Variants in WASF2 observed in about 807,000 individuals in gnomAD.
The protein encoded by WASF2 is actin-binding protein WASF2.
WASF2 carries 14 observed loss-of-function variants against 45.0 expected under a neutral mutation model. That is an observed-to-expected ratio of 0.31 (90% CI 0.21 to 0.49). The LOEUF (loss-of-function observed/expected upper bound fraction) is 0.49. WASF2 is among the 20% of genes least tolerant of loss of function. WASF2 has a pLI of 0.99. For missense variants in WASF2, 439 were observed against 636.1 expected, an observed-to-expected ratio of 0.69 and a Z score of 3.33; for synonymous variants, 200 against 236.3, an observed-to-expected ratio of 0.85 and a Z score of 1.41.
chr1:27,487,404 T>C (rs1012492129), intron 1 of WASF2, among the ~76,000 whole-genome samples: 1 of 132,426 alleles, frequency 7.6e-6, no homozygotes, highest in African/African-American at 2.8e-5. Flanking sequence ...CGGCCTATAA[T>C]ATATATTTTA....
At chr1:27,479,114 G>T (rs375267791) in intron 1 of WASF2, among the ~76,000 whole-genome samples, 1 of 151,758 alleles carries the variant, frequency 6.6e-6, no homozygotes, top group Admixed American at 6.6e-5. Context: ...GTGAAACCCC[G>T]TCTCTACTAA....
intron 1 of WASF2, among the ~76,000 whole-genome samples, chr1:27,489,543 A>G (rs2018000280): frequency 6.6e-6 from 1 of 151,982 alleles, no homozygotes; most frequent in Non-Finnish European, 1.5e-5. Flanking sequence ...TTCATGGTCC[A>G]GAGATGGAAA....
At chr1:27,455,310 G>A (rs1376965780) in intron 1 of WASF2, among the ~76,000 whole-genome samples, 1 of 152,142 alleles carries the variant, frequency 6.6e-6, no homozygotes, top group East Asian at 1.9e-4. Flanking sequence ...AATGGCTAGA[G>A]TATGTGCCAG....
At chr1:27,412,777 G>C in intron 6 of WASF2, 50 bp from the exon 7 acceptor site, 1 of 1,606,386 alleles carries the variant, frequency 6.2e-7, no homozygotes, top group Middle Eastern at 1.7e-4. Flanking sequence ...GCCTGAGTGG[G>C]TTTTTTCTTC....
At chr1:27,488,469 G>A (rs903477705) in intron 1 of WASF2, among the ~76,000 whole-genome samples, 22 of 152,296 alleles carry the variant, frequency 1.4e-4, no homozygotes, top group African/African-American at 5.1e-4. Context: ...TCTGATGGAG[G>A]AGAAGAAGCG....
At chr1:27,484,434 T>A (rs148205064) in intron 1 of WASF2, among the ~76,000 whole-genome samples, 28 of 152,280 alleles carry the variant, frequency 1.8e-4, no homozygotes, top group Non-Finnish European at 3.5e-4. Context: ...CACCAAGATG[T>A]GCAAATTGTG....
chr1:27,443,596 A>G (rs1469568315), intron 1 of WASF2, among the ~76,000 whole-genome samples: 1 of 152,046 alleles, frequency 6.6e-6, no homozygotes, highest in Non-Finnish European at 1.5e-5. Flanking sequence ...CCGGGCAACA[A>G]GAGCAAAACT....
In WASF2 at chr1:27,405,530, T is replaced by G. The variant is rs2016656947; in HGVS notation, c.*2659A>C. 6.6e-6 allele frequency: 1 copy of G among 150,464 alleles called. No individual in the cohort carries two copies. Among genetic ancestry groups the G allele is most frequent in the African/African-American group, 2.5e-5 (1 of 40,784 alleles). 9.3% of individuals were successfully genotyped at this position (150,464 alleles called of 1,614,324 possible). A position where few individuals can be genotyped will look rare whatever the true frequency, so the allele number is the denominator to read the frequency against. ...ACTAAACTTTGCATTCTACATTACGTGAGTCCAAAAACAGGATTACCTGCA... is the reference window on the plus strand; with the variant it reads ...ACTAAACTTTGCATTCTACATTACGGGAGTCCAAAAACAGGATTACCTGCA... On this transcript the variant is annotated 3_prime_UTR_variant, in exon 9 of 9. Transcript: ENST00000618852.
intron 1 of WASF2, among the ~76,000 whole-genome samples, chr1:27,440,057 A>C (rs952653225): frequency 1.3e-5 from 2 of 152,188 alleles, no homozygotes; most frequent in African/African-American, 2.4e-5. Flanking sequence ...ACTGGATAGA[A>C]TTTGGATGTA....
At chr1:27,420,113 C>T (rs2148105961) in intron 2 of WASF2, among the ~76,000 whole-genome samples, 1 of 152,228 alleles carries the variant, frequency 6.6e-6, no homozygotes, top group African/African-American at 2.4e-5. Context: ...CCAGGTTGCC[C>T]AGGCTGGTCT....
chr1:27,478,945 G>A (rs114197843), intron 1 of WASF2, among the ~76,000 whole-genome samples: 6 of 151,842 alleles, frequency 4.0e-5, no homozygotes, highest in Admixed American at 2.0e-4. Context: ...GTCAAAACTC[G>A]TCTAATTATA....
At chr1:27,434,404 G>T (rs1182920970) in intron 1 of WASF2, among the ~76,000 whole-genome samples, 1 of 152,186 alleles carries the variant, frequency 6.6e-6, no homozygotes, top group Non-Finnish European at 1.5e-5. Flanking sequence ...AAAATTTCTA[G>T]ATGTGCTTCT....
chr1:27,445,321 C>A (rs1476374945), intron 1 of WASF2, among the ~76,000 whole-genome samples: 2 of 152,118 alleles, frequency 1.3e-5, no homozygotes, highest in African/African-American at 4.8e-5. Context: ...TTATGAAAGT[C>A]ACACAGACAG....
At chr1:27,442,914 C>T (rs2148120341) in intron 1 of WASF2, among the ~76,000 whole-genome samples, 1 of 149,394 alleles carries the variant, frequency 6.7e-6, no homozygotes, top group Non-Finnish European at 1.5e-5. Context: ...TCGCTTGAAC[C>T]TGGGAGGCAG....
At chr1:27,482,440 G>A (rs954969786) in intron 1 of WASF2, among the ~76,000 whole-genome samples, 4 of 152,168 alleles carry the variant, frequency 2.6e-5, no homozygotes. Context: ...CAAGAATCCT[G>A]ACAAGTTCTG....
At chr1:27,409,567 C>T in intron 8 of WASF2, 125 bp downstream of exon 8, 2 of 1,311,162 alleles carry the variant, frequency 1.5e-6, no homozygotes, top group Non-Finnish European at 9.8e-7. Flanking sequence ...GTCCCAATCT[C>T]TCCCCACCCA....
At chr1:27,426,029 A>C (rs1249434388) in intron 2 of WASF2, among the ~76,000 whole-genome samples, 1 of 151,924 alleles carries the variant, frequency 6.6e-6, no homozygotes, top group Non-Finnish European at 1.5e-5. Flanking sequence ...AAACACAAAA[A>C]TTAAAAAAAA....
At chr1:27,461,024 T>C (rs558197948) in intron 1 of WASF2, among the ~76,000 whole-genome samples, 1 of 152,172 alleles carries the variant, frequency 6.6e-6, no homozygotes, top group East Asian at 1.9e-4. Flanking sequence ...TGGGCGCCTG[T>C]AGTCCCAACT....
At chr1:27,421,663 A>C (rs2016910236) in intron 2 of WASF2, among the ~76,000 whole-genome samples, 1 of 152,202 alleles carries the variant, frequency 6.6e-6, no homozygotes, top group Non-Finnish European at 1.5e-5. Flanking sequence ...TAATAATACA[A>C]AAATGAGATG....
Sources: gnomAD v4.1 joint callset for allele counts (sites outside exome capture counted in the v4.1 genomes callset) on GRCh38, gnomAD v4.1.1 for gene constraint, MANE v1.5 for transcripts, NCBI Gene and HGNC (gene_info 2026-07-23, HGNC 2026-07-21) for gene names.